The following C7orf57 variants were observed in gnomAD, a reference collection of about 807,000 sequenced individuals.
C7orf57 encodes the protein chromosome 7 open reading frame 57, also known as uncharacterized protein C7orf57.
Under a neutral mutation model 39.0 loss-of-function variants are expected in C7orf57, and 33 were observed. That is an observed-to-expected ratio of 0.85 (90% CI 0.64 to 1.13). The LOEUF (loss-of-function observed/expected upper bound fraction) is 1.13. C7orf57 is among the 50% of genes most tolerant of loss of function. The pLI, the probability that C7orf57 is intolerant of heterozygous loss-of-function variation, is 0.00. For synonymous variants in C7orf57, 124 were observed against 137.1 expected (o/e 0.90, Z 0.67); for missense variants, 346 against 362.3 (o/e 0.95, Z 0.37).
At chr7:48,048,830 C>A (rs1428478965) in intron 5 of C7orf57, among the ~76,000 whole-genome samples, 3 of 152,048 alleles carry the variant, frequency 2.0e-5, no homozygotes, top group South Asian at 2.1e-4. Context: ...CTTGGACAAG[C>A]CTCTCATTCT....
At chr7:48,055,809 A>G (rs1412672885) in intron 8 of C7orf57, among the ~76,000 whole-genome samples, 3 of 152,272 alleles carry the variant, frequency 2.0e-5, no homozygotes, top group Admixed American at 2.0e-4. Context: ...CTTCTTTTTT[A>G]AAGGCTGAAT....
intron 8 of C7orf57, among the ~76,000 whole-genome samples, chr7:48,055,079 T>C (rs10951943): frequency 0.31 from 46,606 of 151,962 alleles, 7,746 homozygotes; most frequent in Middle Eastern, 0.54. Flanking sequence ...GGTTTCACCG[T>C]GTTAGCCAGG....
At chr7:48,044,808 A>G (rs1186699316) in intron 4 of C7orf57, among the ~76,000 whole-genome samples, 1 of 152,242 alleles carries the variant, frequency 6.6e-6, no homozygotes, top group African/African-American at 2.4e-5. Context: ...AGAAATTTCT[A>G]TTTGTGGACA....
chr7:48,045,155 C>T (rs757582789), intron 4 of C7orf57, among the ~76,000 whole-genome samples: 28 of 152,292 alleles, frequency 1.8e-4, no homozygotes, highest in Admixed American at 5.9e-4. Context: ...TCCTCTGGAC[C>T]GCAGACCACC....
At chr7:48,056,425 T>C (rs1171162221) in intron 8 of C7orf57, among the ~76,000 whole-genome samples, 1 of 152,158 alleles carries the variant, frequency 6.6e-6, no homozygotes, top group Non-Finnish European at 1.5e-5. Context: ...TGTTGTTTGT[T>C]TCTTTTGCTT....
At chr7:48,043,960 G>A (rs1446761642) in intron 4 of C7orf57, among the ~76,000 whole-genome samples, 2 of 152,122 alleles carry the variant, frequency 1.3e-5, no homozygotes, top group African/African-American at 4.8e-5. Context: ...CTGACCTGGG[G>A]TTCTTGGCCT....
At chr7:48,051,848 TTTC>T (rs1790940474) in intron 6 of C7orf57, among the ~76,000 whole-genome samples, 1 of 82,528 alleles carries the variant, frequency 1.2e-5, no homozygotes. Context: ...TCTTTCTTTC[TTTC>T]TTTCTTTCTT....
intron 7 of C7orf57, chr7:48,053,143 T>G (rs925798288): frequency 1.5e-6 from 1 of 657,766 alleles, no homozygotes; most frequent in Non-Finnish European, 2.8e-6. Context: ...TCATGACTTT[T>G]GGGGTTTCAC....
At chr7:48,052,405 C>T (rs577592274) in intron 6 of C7orf57, among the ~76,000 whole-genome samples, 1 of 152,198 alleles carries the variant, frequency 6.6e-6, no homozygotes, top group African/African-American at 2.4e-5. Flanking sequence ...AATTGACTAT[C>T]ACAAAGAAAG....
intron 5 of C7orf57, among the ~76,000 whole-genome samples, chr7:48,049,261 C>T (rs1170858159): frequency 6.6e-6 from 1 of 152,238 alleles, no homozygotes; most frequent in Non-Finnish European, 1.5e-5. Flanking sequence ...TGCCACGCCG[C>T]ATTTCGTGTT....
intron 2 of C7orf57, 99 bp from the exon 3 acceptor site, chr7:48,041,235 C>T: frequency 1.8e-6 from 2 of 1,129,432 alleles, no homozygotes; most frequent in Non-Finnish European, 2.5e-6. Flanking sequence ...TGCACTGCCC[C>T]ACCTGATGGT....
At chr7:48,043,121 G>C (rs577157583) in intron 3 of C7orf57, among the ~76,000 whole-genome samples, 1 of 152,136 alleles carries the variant, frequency 6.6e-6, no homozygotes, top group Non-Finnish European at 1.5e-5. Flanking sequence ...GAGGATGAGG[G>C]AGCCAGCATG....
intron 2 of C7orf57, 25 bp downstream of exon 2, chr7:48,036,388 G>C (rs905588121): frequency 1.9e-6 from 3 of 1,551,698 alleles, no homozygotes; most frequent in African/African-American, 1.4e-5. Context: ...AGCGCGTCCC[G>C]GCCAGAAAGA....
Position 48,049,930 on chromosome 7 carries a change from A to G in C7orf57, c.558A>G (p.Pro186=), listed in dbSNP as rs749386765. ...AGTATCTGAGCAAAGCAGGCACCCC[A>G]CTTGGCCCTAAGAATCCTGCAGGAA... ...DSKYLSKAGT[P]LGPKNPAGSR... Residue 186 remains proline, a synonymous_variant, in exon 6 of 9, where the codon CCA becomes CCG. Transcript: ENST00000348904. The G allele has an allele frequency of 9.9e-6, 16 of 1,613,712 alleles. No homozygotes were observed. Among genetic ancestry groups the G allele is most frequent in the Non-Finnish European group, 1.4e-5 (16 of 1,179,720 alleles).
intron 8 of C7orf57, among the ~76,000 whole-genome samples, chr7:48,058,097 A>G (rs1372564175): frequency 6.6e-6 from 1 of 152,120 alleles, no homozygotes; most frequent in Non-Finnish European, 1.5e-5. Context: ...TTGGTTTGCT[A>G]GTATTTTGCT....
intron 6 of C7orf57, among the ~76,000 whole-genome samples, chr7:48,050,937 G>A (rs1352879310): frequency 6.6e-6 from 1 of 152,100 alleles, no homozygotes; most frequent in Non-Finnish European, 1.5e-5. Flanking sequence ...TCAAAGTGCT[G>A]AGATGGAGGC....
intron 6 of C7orf57, among the ~76,000 whole-genome samples, chr7:48,051,829 TTC>T (rs1321991606): frequency 2.2e-5 from 1 of 44,468 alleles, no homozygotes; most frequent in East Asian, 4.0e-4. Flanking sequence ...CTTTCTTTCT[TTC>T]TTTCTTTCTT....
At chr7:48,051,008 G>A (rs577780442) in intron 6 of C7orf57, among the ~76,000 whole-genome samples, 8 of 152,258 alleles carry the variant, frequency 5.3e-5, no homozygotes, top group East Asian at 3.9e-4. Flanking sequence ...TACCTCTACC[G>A]TGTCAAACTG....
At chr7:48,054,441 T>C (rs1791052368) in intron 7 of C7orf57, among the ~76,000 whole-genome samples, 154 bp from the exon 8 acceptor site, 1 of 151,578 alleles carries the variant, frequency 6.6e-6, no homozygotes, top group African/African-American at 2.4e-5. Context: ...AAAGGTTTGT[T>C]GCCCTATTGA....
Sources: allele counts gnomAD v4.1 joint callset (sites outside exome capture counted in the v4.1 genomes callset), GRCh38; gene constraint gnomAD v4.1.1; transcripts MANE v1.5; gene names NCBI Gene and HGNC (gene_info 2026-07-23, HGNC 2026-07-21).